TFAP2B: variants seen among roughly 807,000 people sequenced by gnomAD.
TFAP2B encodes the protein transcription factor AP-2 beta, also known as transcription factor AP-2-beta.
Under a neutral mutation model 44.3 loss-of-function variants are expected in TFAP2B, and 9 were observed. The observed-to-expected ratio is 0.20, with a 90% CI of 0.12 to 0.35. The LOEUF (loss-of-function observed/expected upper bound fraction) is 0.35. Among genes scored for constraint, TFAP2B ranks in the 10% least tolerant of loss-of-function variants. The probability of loss-of-function intolerance (pLI) is 1.00; values close to 1 mark genes in which losing one functional copy is unlikely to be tolerated. For missense variants in TFAP2B, 509 were observed against 600.0 expected, an observed-to-expected ratio of 0.85 and a Z score of 1.59; for synonymous variants, 270 against 263.8, an observed-to-expected ratio of 1.02 and a Z score of -0.23.
At position 50,843,482 on chromosome 6, in the gene TFAP2B, C is replaced by T. The variant is rs1338475383; in HGVS notation, c.*90C>T. On this transcript the variant is annotated 3_prime_UTR_variant, in exon 7 of 7. Coordinates refer to ENST00000393655, the MANE Select transcript of TFAP2B (RefSeq NM_003221.4). ...TTTTAGCTTTAAAATATTGGATTGG[C>T]TTTGGAAGAATTATATTAGGTAGAA... 6 of 1,351,304 alleles carry T rather than the reference C, an allele frequency of 4.4e-6. No homozygotes were observed. Among genetic ancestry groups the T allele is most frequent in the Admixed American group, 2.2e-5 (1 of 45,568 alleles). The allele number at this position is 1,351,304 out of a possible 1,614,324, so 83.7% of individuals were successfully genotyped here. A position where few individuals can be genotyped will look rare whatever the true frequency, so the allele number is the denominator to read the frequency against.
In TFAP2B at chr6:50,823,884, A is replaced by G. The variant is rs769429246; in HGVS notation, c.540+19A>G. 6.5e-7 allele frequency: 1 copy of G among 1,538,728 alleles called. No homozygotes were observed. The highest frequency in any genetic ancestry group is 2.0e-5 in the Admixed American group (1 of 51,070). On this transcript the variant is annotated intron_variant, in intron 2 of 6. Transcript: ENST00000393655. ...CGTCCAGGTAACCACAAACAAACAA[A>G]CAAACAAACAAAAAAGACCACGAAT...
Position 50,819,045 on chromosome 6 carries a change from A to G in TFAP2B, c.81+73A>G, listed in dbSNP as rs932404411. 2.7e-5 allele frequency: 37 copies of G among 1,379,250 alleles called. No homozygotes were observed. The African/African-American group carries it at 3.7e-4, about 14-fold the overall frequency. 85.4% of individuals were successfully genotyped at this position (1,379,250 alleles called of 1,614,324 possible). A position where few individuals can be genotyped will look rare whatever the true frequency, so the allele number is the denominator to read the frequency against. On this transcript the variant is annotated intron_variant, in intron 1 of 6. Transcript: ENST00000393655. ...TTTGAGCTTCTTGATACCCCAAATG[A>G]TATATATTTTTAAGCTATTTACTCG...
intron 1 of TFAP2B, among the ~76,000 whole-genome samples, chr6:50,820,399 C>A (rs577730049): frequency 5.3e-5 from 8 of 152,356 alleles, no homozygotes; most frequent in African/African-American, 9.6e-5. Flanking sequence ...CTGCCCCCCC[C>A]CGAATCCTAA....
chr6:50,818,750 C>G, upstream of TFAP2B: 1 of 713,806 alleles, frequency 1.4e-6, no homozygotes, highest in Non-Finnish European at 2.4e-6. Flanking sequence ...GCTTACTTGT[C>G]CAGCCTATTG....
At chr6:50,823,997 G>A in intron 2 of TFAP2B, 132 bp downstream of exon 2, 1 of 993,746 alleles carries the variant, frequency 1.0e-6, no homozygotes, top group Non-Finnish European at 1.5e-6. Flanking sequence ...AACAGGACTA[G>A]ACAGTCATAT....
intron 1 of TFAP2B, among the ~76,000 whole-genome samples, chr6:50,820,868 G>C (rs1770322801): frequency 6.6e-6 from 1 of 151,892 alleles, no homozygotes; most frequent in African/African-American, 2.4e-5. Flanking sequence ...AGAGAAGAAA[G>C]GAGGGAGGGA....
chr6:50,833,292 C>T (rs1312628041), intron 3 of TFAP2B, among the ~76,000 whole-genome samples: 1 of 152,066 alleles, frequency 6.6e-6, no homozygotes, highest in East Asian at 1.9e-4. Context: ...ATCAGGTGAA[C>T]TAAGCAGGTG....
chr6:50,821,991 ATTTTTT>A (rs60274376), intron 1 of TFAP2B: 3 of 218,126 alleles, frequency 1.4e-5, no homozygotes, highest in African/African-American at 4.1e-5. Context: ...GGCGGGTGTA[ATTTTTT>A]TTTTTTTTTT....
chr6:50,831,752 GA>G (rs1455345969), intron 3 of TFAP2B, among the ~76,000 whole-genome samples: 1 of 152,100 alleles, frequency 6.6e-6, no homozygotes, highest in Non-Finnish European at 1.5e-5. Flanking sequence ...TAAACTTTAA[GA>G]AAAAGTTTTT....
intron 6 of TFAP2B, among the ~76,000 whole-genome samples, chr6:50,842,230 G>C (rs930518703): frequency 6.6e-6 from 1 of 152,206 alleles, no homozygotes; most frequent in African/African-American, 2.4e-5. Flanking sequence ...TTCAGGGCTA[G>C]AACCATCCCA....
intron 6 of TFAP2B, among the ~76,000 whole-genome samples, 166 bp from the exon 7 acceptor site, chr6:50,842,926 T>A (rs1217205082): frequency 6.6e-6 from 1 of 152,170 alleles, no homozygotes; most frequent in Non-Finnish European, 1.5e-5. Flanking sequence ...CAGTCCCAGC[T>A]GCTCGAGAAG....
chr6:50,837,209 A>C (rs760992739), intron 4 of TFAP2B, among the ~76,000 whole-genome samples: 5 of 152,206 alleles, frequency 3.3e-5, no homozygotes, highest in Non-Finnish European at 2.9e-5. Flanking sequence ...ATACTTTAGC[A>C]CATACAAGGA....
rs760346809 is a variant in TFAP2B, at chr6:50,840,282, T to C, written c.1067T>C (p.Met356Thr). Residue 356 changes from methionine (M) to threonine (T), a missense_variant, in exon 6 of 7, where the codon ATG (methionine) becomes ACG (threonine). This residue lies in a region of TFAP2B where 168 missense variants were observed against 183.2 expected (regional missense o/e 0.92). Coordinates refer to ENST00000393655, the MANE Select transcript of TFAP2B (RefSeq NM_003221.4). ...DPSDLHSRKN[M>T]LLATKQLCKE... Reference sequence around the variant, plus strand: ...AGTGACCTGCACTCCCGAAAGAATATGCTGTTGGCCACCAAGTGAGTTTAT... The same window carrying C: ...AGTGACCTGCACTCCCGAAAGAATACGCTGTTGGCCACCAAGTGAGTTTAT... 7 of 1,613,962 alleles carry C rather than the reference T, an allele frequency of 4.3e-6. No individual in the cohort carries two copies. Among genetic ancestry groups the C allele is most frequent in the East Asian group, 2.2e-5 (1 of 44,886 alleles).
chr6:50,828,639 C>G lies in TFAP2B; in HGVS notation c.561C>G (p.Asn187Lys), dbSNP rs900258855. ...CACAGTCAGTTGAAGATGCCAATAACAGCGGCATGAATCTATTGGACCAGT... is the reference window on the plus strand; with the variant it reads ...CACAGTCAGTTGAAGATGCCAATAAGAGCGGCATGAATCTATTGGACCAGT... ...EDVQSVEDAN[N>K]SGMNLLDQSV... The change falls in exon 3 of 7, where the codon AAC (asparagine) becomes AAG (lysine). Residue 187 changes from asparagine (N) to lysine (K), a missense_variant. By Grantham distance (94) the Asn-to-Lys change is moderately conservative. Around this residue, in one of 3 missense-constraint regions of TFAP2B, gnomAD observed 296 missense variants for 308.2 expected, o/e 0.96. Transcript: ENST00000393655. 5 of 1,613,874 alleles carry G rather than the reference C, an allele frequency of 3.1e-6. No individual in the cohort carries two copies. The highest frequency in any genetic ancestry group is 1.3e-5 in the African/African-American group (1 of 74,924).
rs1340680480 is a variant in TFAP2B at position 50,845,725 on chromosome 6, G to C, written c.*2333G>C. On this transcript the variant is annotated 3_prime_UTR_variant, in exon 7 of 7. Transcript: ENST00000393655. ...GGGCAACGCGCCCCACGCGTGTGACGTGCGAGAGACGCGATGGACGCGCCT... is the reference window on the plus strand; with the variant it reads ...GGGCAACGCGCCCCACGCGTGTGACCTGCGAGAGACGCGATGGACGCGCCT... 2 of 152,816 alleles carry C rather than the reference G, an allele frequency of 1.3e-5. No individual in the cohort carries two copies. Among genetic ancestry groups the C allele is most frequent in the African/African-American group, 4.8e-5 (2 of 41,474 alleles). 9.5% of individuals were successfully genotyped at this position (152,816 alleles called of 1,614,324 possible). A position where few individuals can be genotyped will look rare whatever the true frequency, so the allele number is the denominator to read the frequency against.
intron 3 of TFAP2B, among the ~76,000 whole-genome samples, chr6:50,829,195 G>A (rs544651564): frequency 2.8e-4 from 43 of 151,942 alleles, no homozygotes; most frequent in African/African-American, 8.4e-4. Flanking sequence ...CTAAATATGC[G>A]CATCCTGAGA....
At chr6:50,838,726 T>C (rs1762670167) in intron 5 of TFAP2B, among the ~76,000 whole-genome samples, 1 of 152,158 alleles carries the variant, frequency 6.6e-6, no homozygotes, top group African/African-American at 2.4e-5. Context: ...AATTTGCTCA[T>C]CAGTTTGGGT....
chr6:50,820,712 G>T (rs1351825115), intron 1 of TFAP2B, among the ~76,000 whole-genome samples: 1 of 152,250 alleles, frequency 6.6e-6, no homozygotes, highest in East Asian at 1.9e-4. Context: ...GCCCAAAGTG[G>T]GCATGACATT....
intron 3 of TFAP2B, among the ~76,000 whole-genome samples, chr6:50,832,846 A>G (rs993705108): frequency 1.2e-4 from 19 of 152,194 alleles, no homozygotes; most frequent in African/African-American, 4.6e-4. Flanking sequence ...TTCTCTAATC[A>G]TTTTTCTTTC....
Sources: allele counts gnomAD v4.1 joint callset (sites outside exome capture counted in the v4.1 genomes callset), GRCh38; gene constraint gnomAD v4.1.1; regional missense constraint gnomAD v4.1.1; transcripts MANE v1.5; gene names NCBI Gene and HGNC (gene_info 2026-07-23, HGNC 2026-07-21).